GREB1: variants seen among roughly 807,000 people sequenced by gnomAD.
GREB1 encodes the protein protein GREB1.
In GREB1, 106 loss-of-function variants were observed where a neutral mutation model predicts 200.7. The observed-to-expected ratio is 0.53, with a 90% CI of 0.45 to 0.62. The LOEUF (loss-of-function observed/expected upper bound fraction) is 0.62, where lower values mean the gene tolerates loss of function less well. Among genes scored for constraint, GREB1 ranks in the 20% least tolerant of loss-of-function variants. GREB1 has a pLI of 0.00. For missense variants in GREB1, 2,243 were observed against 2,556.8 expected (o/e 0.88, Z 2.65); for synonymous variants, 1,132 against 1,092.4 (o/e 1.04, Z -0.72).
intron 17 of GREB1, among the ~76,000 whole-genome samples, chr2:11,609,074 G>A (rs1192526634): frequency 1.3e-5 from 2 of 152,156 alleles, no homozygotes; most frequent in African/African-American, 2.4e-5. Flanking sequence ...GATGTCCCAT[G>A]TATTGAAATG....
At chr2:11,587,639 C>A in intron 9 of GREB1, 2 of 1,378,248 alleles carry the variant, frequency 1.5e-6, no homozygotes, top group Non-Finnish European at 1.9e-6. Flanking sequence ...TAACACACAG[C>A]CGAAGTCAGA....
intron 1 of GREB1, among the ~76,000 whole-genome samples, chr2:11,486,207 G>A (rs79347326): frequency 3.3e-5 from 5 of 152,248 alleles, no homozygotes; most frequent in East Asian, 1.9e-4. Flanking sequence ...TCATAATGAC[G>A]CCAGGCAGTT....
intron 1 of GREB1, among the ~76,000 whole-genome samples, chr2:11,555,439 T>TAA (rs1263410966): frequency 1.3e-5 from 2 of 152,086 alleles, no homozygotes; most frequent in African/African-American, 2.4e-5. Context: ...ACAAAAACAA[T>TAA]AAAAATGTGT....
chr2:11,519,202 C>T (rs1673619681), intron 1 of GREB1, among the ~76,000 whole-genome samples: 1 of 151,654 alleles, frequency 6.6e-6, no homozygotes, highest in African/African-American at 2.4e-5. Context: ...ATTACTTTCT[C>T]TTTTAATCAG....
chr2:11,567,780 C>T (rs1325903766), intron 4 of GREB1, among the ~76,000 whole-genome samples: 1 of 152,182 alleles, frequency 6.6e-6, no homozygotes, highest in Non-Finnish European at 1.5e-5. Flanking sequence ...TCAGCAGGCT[C>T]CCCCATTGTG....
At chr2:11,518,513 C>T (rs1206506846) in intron 1 of GREB1, among the ~76,000 whole-genome samples, 1 of 140,950 alleles carries the variant, frequency 7.1e-6, no homozygotes, top group Non-Finnish European at 1.5e-5. Context: ...GCTGCTGCTG[C>T]AGTGGGCAGG....
intron 29 of GREB1, 87 bp from the exon 30 acceptor site, chr2:11,635,183 G>A (rs1685210798): frequency 1.3e-6 from 2 of 1,516,046 alleles, no homozygotes; most frequent in Middle Eastern, 1.8e-4. Flanking sequence ...CCCCTACGAT[G>A]GGGACCCACA....
intron 10 of GREB1, chr2:11,591,269 G>C (rs1456113669): frequency 1.5e-6 from 1 of 664,838 alleles, no homozygotes; most frequent in Non-Finnish European, 2.8e-6. Context: ...CCACAGAGCA[G>C]GTGTCATGAA....
intron 20 of GREB1, 91 bp from the exon 21 acceptor site, chr2:11,616,540 C>G (rs2148339690): frequency 2.5e-6 from 2 of 799,180 alleles, no homozygotes; most frequent in South Asian, 2.9e-5. Context: ...AGAGGTGATG[C>G]ATGGGAACAC....
At chr2:11,624,678 T>C (rs1432614693) in intron 23 of GREB1, among the ~76,000 whole-genome samples, 1 of 152,202 alleles carries the variant, frequency 6.6e-6, no homozygotes, top group African/African-American at 2.4e-5. Context: ...GTGTTACAAT[T>C]ACCTGCAGTA....
Position 11,559,985 on chromosome 2 carries a change from G to A in GREB1, c.158-2478G>A, listed in dbSNP as rs576542906. ...CTGCTGGAAACGTTCAGCTTCTTCT[G>A]CCTCTTGTCCCACAAGCCCGTTTGA... On this transcript the variant is annotated intron_variant, in intron 2 of 32. Coordinates refer to ENST00000381486, the MANE Select transcript of GREB1 (RefSeq NM_014668.4). Among the ~76,000 whole-genome samples the A allele has an allele frequency of 2.0e-4, 30 of 152,270 alleles. No homozygotes were observed. In the South Asian group the frequency reaches 5.0e-3, roughly 25 times the overall value.
chr2:11,513,408 T>G (rs748222604), intron 1 of GREB1, among the ~76,000 whole-genome samples: 21 of 152,162 alleles, frequency 1.4e-4, no homozygotes, highest in Admixed American at 8.5e-4. Flanking sequence ...TCACGGTAAT[T>G]AATTTATCCG....
intron 17 of GREB1, 102 bp from the exon 18 acceptor site, chr2:11,610,586 C>T (rs1225226171): frequency 3.2e-5 from 27 of 836,580 alleles, no homozygotes; most frequent in Middle Eastern, 2.3e-4. Flanking sequence ...CGTATAATGC[C>T]GGAGTTGCCT....
rs190782768 is a variant in GREB1, at chr2:11,609,314, G to C, written c.2667-1374G>C. The stretch of plus-strand genomic sequence containing the variant: ...GAGTCTCGCTCTGTGGCCCAGGCTG[G>C]AGTGCAGTGGTGATCATGATCTTGG... On this transcript the variant is annotated intron_variant, in intron 17 of 32. Coordinates refer to ENST00000381486, the MANE Select transcript of GREB1 (RefSeq NM_014668.4). Among the ~76,000 whole-genome samples, 307 of 151,128 alleles carry C rather than the reference G, an allele frequency of 2.0e-3. 1 individual carries two copies. Among genetic ancestry groups the C allele is most frequent in the African/African-American group, 7.2e-3 (296 of 41,114 alleles).
At chr2:11,547,835 TACTGTAGA>T (rs1292900172) in intron 1 of GREB1, among the ~76,000 whole-genome samples, 1 of 152,178 alleles carries the variant, frequency 6.6e-6, no homozygotes, top group East Asian at 1.9e-4. Context: ...TTTTCATTCT[TACTGTAGA>T]ATATGAGAAT....
intron 1 of GREB1, among the ~76,000 whole-genome samples, chr2:11,525,371 C>T (rs1485498222): frequency 6.6e-6 from 1 of 151,714 alleles, no homozygotes; most frequent in African/African-American, 2.4e-5. Flanking sequence ...TGGGTGTGTG[C>T]CTGTAGTCCC....
intron 6 of GREB1, 115 bp downstream of exon 6, chr2:11,578,546 T>A: frequency 9.4e-7 from 1 of 1,065,156 alleles, no homozygotes; most frequent in East Asian, 2.5e-5. Context: ...GGGGCTGTTA[T>A]CTTTTTCTAT....
intron 1 of GREB1, among the ~76,000 whole-genome samples, chr2:11,536,681 G>A (rs1022027873): frequency 1.3e-5 from 2 of 152,204 alleles, no homozygotes; most frequent in Non-Finnish European, 2.9e-5. Context: ...ACTGAGAAGA[G>A]AGCCGCACAG....
chr2:11,530,153 C>T (rs893508335), upstream of GREB1, among the ~76,000 whole-genome samples: 1 of 151,938 alleles, frequency 6.6e-6, no homozygotes, highest in Non-Finnish European at 1.5e-5. Flanking sequence ...TCTCAACCTC[C>T]TGGGCTCAAA....
Sources: allele counts gnomAD v4.1 joint callset (sites outside exome capture counted in the v4.1 genomes callset), GRCh38; gene constraint gnomAD v4.1.1; transcripts MANE v1.5; gene names NCBI Gene and HGNC (gene_info 2026-07-23, HGNC 2026-07-21).